The following ACER2 variants were observed in gnomAD, a reference collection of about 807,000 sequenced individuals.
The protein encoded by ACER2 is alkaline ceramidase 2.
In ACER2, 26 loss-of-function variants were observed where a neutral mutation model predicts 34.7. The ratio of observed to expected loss-of-function variants is 0.75; its 90% CI spans 0.55 to 1.04. The LOEUF (loss-of-function observed/expected upper bound fraction) is 1.04. ACER2 is among the 50% of genes least tolerant of loss of function. The probability of loss-of-function intolerance (pLI) is 0.00; values close to 1 mark genes in which losing one functional copy is unlikely to be tolerated. For missense variants in ACER2, 352 were observed against 340.8 expected, an observed-to-expected ratio of 1.03 and a Z score of -0.26; for synonymous variants, 138 against 132.1, an observed-to-expected ratio of 1.04 and a Z score of -0.31.
At position 19,446,274 on chromosome 9, in the gene ACER2, C is replaced by T. The variant is rs530703663; in HGVS notation, c.504-7C>T. The stretch of plus-strand genomic sequence containing the variant: ...GACGATGAGTGACTCTCTGGACCCC[C>T]GTGCAGGTGTGACAACATGCGTGTG... On this transcript the variant is annotated splice_region_variant and splice_polypyrimidine_tract_variant and intron_variant, in intron 4 of 5. Coordinates refer to ENST00000340967, the MANE Select transcript of ACER2 (RefSeq NM_001010887.3). 63 of 1,614,104 alleles carry T rather than the reference C, an allele frequency of 3.9e-5. No individual in the cohort carries two copies. The South Asian group carries it at 5.7e-4, about 15-fold the overall frequency.
At chr9:19,416,002 G>T (rs1830230189) in intron 1 of ACER2, among the ~76,000 whole-genome samples, 1 of 151,556 alleles carries the variant, frequency 6.6e-6, no homozygotes. Context: ...ATGTAAATGT[G>T]AAGAAAATGA....
chr9:19,409,254 C>T, intron 1 of ACER2, 62 bp downstream of exon 1: 1 of 1,494,428 alleles, frequency 6.7e-7, no homozygotes, highest in Non-Finnish European at 9.1e-7. Flanking sequence ...TCCCGCGCCG[C>T]AGCGTCTGGA....
chr9:19,418,009 A>C (rs1161822683), intron 1 of ACER2, among the ~76,000 whole-genome samples: 7 of 152,226 alleles, frequency 4.6e-5, no homozygotes, highest in Non-Finnish European at 1.0e-4. Context: ...TACAAGAAAA[A>C]AAACAACCCC....
At chr9:19,432,500 T>C (rs1429996355) in intron 3 of ACER2, among the ~76,000 whole-genome samples, 1 of 151,876 alleles carries the variant, frequency 6.6e-6, no homozygotes, top group Admixed American at 6.6e-5. Flanking sequence ...TTCTCTGTAA[T>C]GACAGAGTTG....
At chr9:19,435,165 A>T in intron 4 of ACER2, 81 bp downstream of exon 4, 6 of 1,507,596 alleles carry the variant, frequency 4.0e-6, no homozygotes, top group Non-Finnish European at 5.4e-6. Context: ...GCTGTCCTGT[A>T]GCAGAAGAGG....
intron 1 of ACER2, chr9:19,409,966 G>T: frequency 3.1e-6 from 3 of 983,346 alleles, no homozygotes; most frequent in Admixed American, 6.1e-5. Context: ...TTGTGGTAGG[G>T]AAGGGTTGCA....
chr9:19,426,036 T>A (rs1485586051), intron 3 of ACER2, among the ~76,000 whole-genome samples: 3 of 152,138 alleles, frequency 2.0e-5, no homozygotes, highest in Non-Finnish European at 4.4e-5. Flanking sequence ...AGGGGCACAT[T>A]ATATAATTCT....
intron 1 of ACER2, among the ~76,000 whole-genome samples, chr9:19,423,361 C>T (rs1013214863): frequency 6.6e-6 from 1 of 152,122 alleles, no homozygotes; most frequent in Non-Finnish European, 1.5e-5. Flanking sequence ...CTTAAATGGT[C>T]ATTTAAAAAG....
chr9:19,424,042 C>A, intron 2 of ACER2, 66 bp downstream of exon 2: 1 of 1,250,412 alleles, frequency 8.0e-7, no homozygotes, highest in Non-Finnish European at 1.2e-6. Flanking sequence ...AGGAATTCCA[C>A]ACACTTCCTC....
At chr9:19,419,122 C>T (rs778099470) in intron 1 of ACER2, among the ~76,000 whole-genome samples, 9 of 151,976 alleles carry the variant, frequency 5.9e-5, no homozygotes, top group South Asian at 2.1e-4. Flanking sequence ...ACCCAGGAGG[C>T]GGAGGTTGCA....
intron 4 of ACER2, among the ~76,000 whole-genome samples, chr9:19,440,346 G>A (rs551103666): frequency 6.6e-6 from 1 of 152,140 alleles, no homozygotes; most frequent in African/African-American, 2.4e-5. Context: ...CTGAATGTTT[G>A]TATCTCCCCT....
intron 4 of ACER2, among the ~76,000 whole-genome samples, chr9:19,438,189 C>G (rs563365203): frequency 6.6e-6 from 1 of 152,160 alleles, no homozygotes; most frequent in Non-Finnish European, 1.5e-5. Flanking sequence ...TCTTACTGTC[C>G]TTATTTGAAA....
At chr9:19,418,265 C>T (rs1830294609) in intron 1 of ACER2, among the ~76,000 whole-genome samples, 1 of 152,140 alleles carries the variant, frequency 6.6e-6, no homozygotes, top group East Asian at 1.9e-4. Flanking sequence ...TAAATTAGTT[C>T]AACCATTGTG....
At chr9:19,428,067 CCT>C in intron 3 of ACER2, among the ~76,000 whole-genome samples, 1 of 123,540 alleles carries the variant, frequency 8.1e-6, no homozygotes, top group East Asian at 2.3e-4. Flanking sequence ...CCTTTCCTTT[CCT>C]TTCCTTTCCT....
intron 1 of ACER2, among the ~76,000 whole-genome samples, chr9:19,410,706 A>T (rs1830062680): frequency 6.6e-6 from 1 of 152,128 alleles, no homozygotes; most frequent in Non-Finnish European, 1.5e-5. Flanking sequence ...TCTCAAAGAA[A>T]ACCTGGCCCT....
chr9:19,417,108 G>A (rs1830263032), intron 1 of ACER2, among the ~76,000 whole-genome samples: 1 of 152,096 alleles, frequency 6.6e-6, no homozygotes, highest in South Asian at 2.1e-4. Flanking sequence ...AATCACAAGT[G>A]AACTCCCATT....
At chr9:19,416,829 C>T (rs550718861) in intron 1 of ACER2, among the ~76,000 whole-genome samples, 1 of 152,078 alleles carries the variant, frequency 6.6e-6, no homozygotes, top group African/African-American at 2.4e-5. Context: ...CACCCGTGCC[C>T]CGCCTAAGGG....
chr9:19,437,040 G>T (rs1830999182), intron 4 of ACER2, among the ~76,000 whole-genome samples: 1 of 152,098 alleles, frequency 6.6e-6, no homozygotes, highest in Non-Finnish European at 1.5e-5. Context: ...CCTAAGGTAG[G>T]CATTCTCCAA....
chr9:19,437,715 A>T (rs958841), intron 4 of ACER2, among the ~76,000 whole-genome samples: 1 of 151,966 alleles, frequency 6.6e-6, no homozygotes, highest in South Asian at 2.1e-4. Context: ...TCCCCCTGAA[A>T]TGCCCTTTCC....
Sources: gnomAD v4.1 joint callset for allele counts (sites outside exome capture counted in the v4.1 genomes callset) on GRCh38, gnomAD v4.1.1 for gene constraint, MANE v1.5 for transcripts, NCBI Gene and HGNC (gene_info 2026-07-23, HGNC 2026-07-21) for gene names.